The following MTIF2 variants were observed in gnomAD, a reference collection of about 807,000 sequenced individuals.
The protein encoded by MTIF2 is mitochondrial translational initiation factor 2, also known as translation initiation factor IF-2, mitochondrial.
Under a neutral mutation model 83.5 loss-of-function variants are expected in MTIF2, and 71 were observed. The observed-to-expected ratio is 0.85, with a 90% CI of 0.70 to 1.04. MTIF2 has a LOEUF of 1.04. Among genes scored for constraint, MTIF2 ranks in the 50% least tolerant of loss-of-function variants. MTIF2 has a pLI of 0.00. For missense variants in MTIF2, 957 were observed against 846.5 expected (o/e 1.13, Z -1.62); for synonymous variants, 319 against 287.1 (o/e 1.11, Z -1.12).
chr2:55,245,391 G>A (rs1481898960), intron 10 of MTIF2, among the ~76,000 whole-genome samples: 1 of 152,066 alleles, frequency 6.6e-6, no homozygotes, highest in African/African-American at 2.4e-5. Context: ...GCATGGTGGT[G>A]GGTGCCTGTA....
At chr2:55,243,381 G>T in intron 12 of MTIF2, 35 bp downstream of exon 12, 1 of 1,527,518 alleles carries the variant, frequency 6.5e-7, no homozygotes, top group South Asian at 1.2e-5. Context: ...TATATTCAAA[G>T]AATGAACTGT....
intron 9 of MTIF2, among the ~76,000 whole-genome samples, chr2:55,247,278 C>T (rs939120287): frequency 1.3e-5 from 2 of 152,284 alleles, no homozygotes; most frequent in Admixed American, 6.5e-5. Flanking sequence ...AGACAAGGGC[C>T]GGGCACGGTG....
chr2:55,245,583 C>A (rs1395567225), intron 10 of MTIF2, among the ~76,000 whole-genome samples: 1 of 151,954 alleles, frequency 6.6e-6, no homozygotes, highest in Non-Finnish European at 1.5e-5. Context: ...GCCAAGGGCT[C>A]AGGAGAGGGA....
intron 10 of MTIF2, among the ~76,000 whole-genome samples, chr2:55,245,301 C>T (rs909382834): frequency 2.0e-5 from 3 of 152,100 alleles, no homozygotes; most frequent in Admixed American, 6.6e-5. Flanking sequence ...GCGGTTGGAT[C>T]ACCTGAGGTC....
chr2:55,244,978 C>T (rs766715112), intron 10 of MTIF2, among the ~76,000 whole-genome samples: 6 of 148,790 alleles, frequency 4.0e-5, no homozygotes, highest in Non-Finnish European at 7.5e-5. Context: ...ACCTGGGAGG[C>T]AGAGGTTGCA....
At chr2:55,239,634 G>A (rs1676151548) in intron 14 of MTIF2, among the ~76,000 whole-genome samples, 1 of 152,118 alleles carries the variant, frequency 6.6e-6, no homozygotes, top group South Asian at 2.1e-4. Context: ...ATATTTAAAT[G>A]TAAATTTTCT....
chr2:55,237,364 G>C lies in MTIF2; in HGVS notation c.1935C>G (p.Gly645=). Residue 645 remains glycine (G), a synonymous_variant, in exon 15 of 16, where the codon GGC becomes GGG. Coordinates refer to ENST00000263629, the MANE Select transcript of MTIF2 (RefSeq NM_002453.3). ...TEGKKKVPVA[G]CRVQKGQLEK... is the part of the protein sequence containing the mutation. The stretch of plus-strand genomic sequence containing the variant: ...CTAACTGTCCCTTTTGGACTCTGCA[G>C]CCAGCCACAGGAACTTTTTTCTTCC... 2 of 1,612,854 alleles carry C rather than the reference G, an allele frequency of 1.2e-6. No individual in the cohort carries two copies. The highest frequency in any genetic ancestry group is 8.5e-7 in the Non-Finnish European group (1 of 1,179,854).
intron 5 of MTIF2, among the ~76,000 whole-genome samples, chr2:55,258,215 C>G (rs1677693143): frequency 1.3e-5 from 2 of 152,150 alleles, no homozygotes; most frequent in South Asian, 4.1e-4. Context: ...AAGCCAGCAC[C>G]AGCAAGCCAC....
chr2:55,269,101 G>C (rs1261527717), intron 1 of MTIF2, 68 bp downstream of exon 1: 1 of 152,316 alleles, frequency 6.6e-6, no homozygotes, highest in Non-Finnish European at 1.5e-5. Context: ...TGACACGTTA[G>C]GCGAAACAAC....
chr2:55,252,738 CCAT>C, intron 7 of MTIF2, 85 bp from the exon 8 acceptor site: 4 of 887,942 alleles, frequency 4.5e-6, no homozygotes, highest in Non-Finnish European at 6.7e-6. Context: ...TTATCAGAAA[CCAT>C]CAATAATTCT....
intron 14 of MTIF2, 98 bp from the exon 15 acceptor site, chr2:55,237,526 A>G (rs1313499662): frequency 5.0e-6 from 6 of 1,194,454 alleles, no homozygotes; most frequent in Non-Finnish European, 5.5e-6. Flanking sequence ...AGGTATGACA[A>G]AAATCCAAAT....
chr2:55,258,862 C>A (rs1446276995), intron 5 of MTIF2, among the ~76,000 whole-genome samples: 2 of 151,194 alleles, frequency 1.3e-5, no homozygotes, highest in African/African-American at 4.9e-5. Flanking sequence ...CACCTGTAAT[C>A]CCAGCTATTC....
At chr2:55,252,342 A>C in intron 8 of MTIF2, 135 bp downstream of exon 8, 1 of 759,760 alleles carries the variant, frequency 1.3e-6, no homozygotes, top group South Asian at 2.0e-5. Context: ...GTGGGAAAAC[A>C]ATTTATCTTT....
chr2:55,264,722 T>C (rs1678299671), intron 3 of MTIF2, among the ~76,000 whole-genome samples: 1 of 152,168 alleles, frequency 6.6e-6, no homozygotes, highest in South Asian at 2.1e-4. Context: ...TAAAAAAAGA[T>C]GCTTTATAGT....
chr2:55,265,525 TTTTG>T (rs1558586141), intron 3 of MTIF2, among the ~76,000 whole-genome samples: 1 of 151,978 alleles, frequency 6.6e-6, no homozygotes, highest in African/African-American at 2.4e-5. Flanking sequence ...TTAAGGTTTT[TTTTG>T]TTTGTCTGTT....
intron 3 of MTIF2, among the ~76,000 whole-genome samples, chr2:55,264,354 C>A (rs779671384): frequency 2.6e-5 from 4 of 152,176 alleles, no homozygotes; most frequent in Non-Finnish European, 4.4e-5. Flanking sequence ...ACCTCAGCCT[C>A]CCTAATAGCT....
chr2:55,260,559 G>C (rs1407031096), intron 5 of MTIF2, among the ~76,000 whole-genome samples: 2 of 152,172 alleles, frequency 1.3e-5, no homozygotes, highest in African/African-American at 2.4e-5. Context: ...TAATGTGGTT[G>C]ATGAGTAACA....
At chr2:55,240,226 T>A (rs756972265) in intron 13 of MTIF2, 51 bp from the exon 14 acceptor site, 1 of 1,454,142 alleles carries the variant, frequency 6.9e-7, no homozygotes, top group Non-Finnish European at 9.4e-7. Flanking sequence ...TACATTATAA[T>A]CATTTATTTG....
At chr2:55,238,686 C>T (rs1444079877) in intron 14 of MTIF2, among the ~76,000 whole-genome samples, 4 of 152,100 alleles carry the variant, frequency 2.6e-5, no homozygotes, top group South Asian at 2.1e-4. Context: ...CCACCATGCC[C>T]GGCCGAGTCT....
Sources: gnomAD v4.1 joint callset for allele counts (sites outside exome capture counted in the v4.1 genomes callset) on GRCh38, gnomAD v4.1.1 for gene constraint, MANE v1.5 for transcripts, NCBI Gene and HGNC (gene_info 2026-07-23, HGNC 2026-07-21) for gene names.